Variants in SEC16B observed in about 807,000 individuals in gnomAD.
SEC16B encodes SEC16 homolog B, endoplasmic reticulum export factor, also known as protein transport protein Sec16B.
Under a neutral mutation model 141.8 loss-of-function variants are expected in SEC16B, and 115 were observed. The observed-to-expected ratio is 0.81, with a 90% CI of 0.70 to 0.95. The LOEUF is 0.95. SEC16B is among the 40% of genes least tolerant of loss of function. SEC16B has a pLI of 0.00. For missense variants in SEC16B, 1,291 were observed against 1,312.3 expected, an observed-to-expected ratio of 0.98 and a Z score of 0.25; for synonymous variants, 493 against 492.5, an observed-to-expected ratio of 1.00 and a Z score of -0.01.
intron 14 of SEC16B, chr1:177,946,152 G>A: frequency 1.7e-6 from 1 of 588,086 alleles, no homozygotes. Flanking sequence ...GCCACCCAGT[G>A]GCCAAAGGGC....
Position 177,954,346 on chromosome 1 carries a change from A to G in SEC16B, c.1396T>C (p.Leu466=). ...EALEWAMKNH[L]WGHALFLSSK... ...GACAGGAACAAAGCATGGCCCCACA[A>G]GTGGTTCTTCATGGCCCACTCCAAG... Residue 466 remains leucine (L), a synonymous_variant, in exon 11 of 26, where the codon TTG becomes CTG. Transcript: ENST00000308284. The G allele has an allele frequency of 1.9e-6, 3 of 1,575,670 alleles. No individual in the cohort carries two copies. The highest frequency in any genetic ancestry group is 2.6e-6 in the Non-Finnish European group (3 of 1,159,654).
intron 20 of SEC16B, among the ~76,000 whole-genome samples, chr1:177,935,662 G>GAA (rs60983376): frequency 7.1e-6 from 1 of 141,348 alleles, no homozygotes; most frequent in South Asian, 2.2e-4. Context: ...CTTCAGTCAG[G>GAA]AAAAAAAAAA....
chr1:177,937,254 T>C lies in SEC16B; in HGVS notation c.2463A>G (p.Gly821=), dbSNP rs2101909544. The change falls in exon 19 of 26, where the codon GGA becomes GGG. Residue 821 remains glycine, a synonymous_variant. Coordinates refer to ENST00000308284, the MANE Select transcript of SEC16B (RefSeq NM_033127.4). The part of the protein sequence containing the change: ...SSVAVTEATG[G]TVWEEMLQTH... ...TCTGCAGCATTTCCTCCCAGACTGT[T>C]CCTCCAGTGGCCTCTGTCACTGCCA... The C allele has an allele frequency of 6.2e-7, 1 of 1,613,728 alleles. No homozygotes were observed. The highest frequency in any genetic ancestry group is 1.3e-5 in the African/African-American group (1 of 74,996).
At chr1:177,979,585 A>T (rs1305629723) in intron 1 of SEC16B, among the ~76,000 whole-genome samples, 1 of 152,236 alleles carries the variant, frequency 6.6e-6, no homozygotes, top group African/African-American at 2.4e-5. Flanking sequence ...AACCAAATTC[A>T]AATTTCAGGT....
intron 22 of SEC16B, 85 bp from the exon 23 acceptor site, chr1:177,932,891 G>A (rs1038296810): frequency 6.8e-6 from 9 of 1,329,130 alleles, no homozygotes; most frequent in East Asian, 5.0e-5. Context: ...CCACACTCAC[G>A]ATGGCGGCCT....
chr1:177,960,831 G>C lies in SEC16B; in HGVS notation c.896C>G (p.Thr299Ser), dbSNP rs1230892444. The change falls in exon 7 of 26, where the codon ACT (threonine) becomes AGT (serine). Residue 299 changes from threonine (T) to serine (S), a missense_variant. Transcript: ENST00000308284. Reference protein sequence around the residue: ...QLVHVGPSSPTDGQAALVELH... With the variant: ...QLVHVGPSSPSDGQAALVELH... Reference sequence around the variant, plus strand: ...TTCAACAAGGGCTGCTTGCCCGTCAGTGGGAGAGCTGGGACCTACATGCAC... The same window carrying C: ...TTCAACAAGGGCTGCTTGCCCGTCACTGGGAGAGCTGGGACCTACATGCAC... 7.5e-6 allele frequency: 12 copies of C among 1,608,662 alleles called. No individual in the cohort carries two copies. The highest frequency in any genetic ancestry group is 9.3e-6 in the Non-Finnish European group (11 of 1,176,626).
At position 177,967,909 on chromosome 1, in the gene SEC16B, G is replaced by A. The variant is rs763978372; in HGVS notation, c.73C>T (p.Arg25Ter). The A allele has an allele frequency of 4.0e-5, 65 of 1,613,806 alleles. No homozygotes were observed. Among genetic ancestry groups the A allele is most frequent in the South Asian group, 3.4e-4 (31 of 91,076 alleles). ...KATAPSKDPDRGFRRDGHHRP... is the reference protein window; with the variant it reads ...KATAPSKDPD Reference sequence around the variant, plus strand: ...TGATGTCCATCTCTCCGAAACCCTCGGTCTGGATCCTTTGAGGGTGCTGTG... The same window carrying A: ...TGATGTCCATCTCTCCGAAACCCTCAGTCTGGATCCTTTGAGGGTGCTGTG... The change falls in exon 2 of 26, where the codon CGA (arginine) becomes TGA (stop). Residue 25 changes from arginine to a stop codon, truncating the protein, a stop_gained. Coordinates refer to ENST00000308284, the MANE Select transcript of SEC16B (RefSeq NM_033127.4). LOFTEE classifies it high-confidence loss of function.
At chr1:177,984,169 T>C (rs566830146) in intron 1 of SEC16B, 2 of 152,330 alleles carry the variant, frequency 1.3e-5, no homozygotes, top group East Asian at 3.9e-4. Flanking sequence ...TGCATTTGGT[T>C]TGGGTTAATT....
At chr1:177,979,322 G>C (rs1481390951) in intron 1 of SEC16B, among the ~76,000 whole-genome samples, 2 of 152,112 alleles carry the variant, frequency 1.3e-5, no homozygotes, top group Non-Finnish European at 2.9e-5. Context: ...TGACAAATGG[G>C]ACAAGTTCTC....
chr1:177,962,501 C>T (rs1371706076), intron 5 of SEC16B, among the ~76,000 whole-genome samples: 1 of 151,714 alleles, frequency 6.6e-6, no homozygotes, highest in African/African-American at 2.4e-5. Flanking sequence ...CTTTGGGAGG[C>T]CAAAGCAGGA....
rs1164699393 is a variant in SEC16B, at chr1:177,929,562, AGCCACCACCATAAGT to A, written c.*281_*295del. On this transcript the variant is annotated 3_prime_UTR_variant, in exon 26 of 26. Coordinates refer to ENST00000308284, the MANE Select transcript of SEC16B (RefSeq NM_033127.4). ...GGCCCTAATTTCCCCAAGGCTCTCA[AGCCACCACCATAAGT>A]GCCACCACCATGTCACTCTGCTCAT... is the stretch of plus-strand genomic sequence containing the variant. 2.6e-6 allele frequency: 1 copy of A among 381,452 alleles called. No homozygotes were observed. The highest frequency in any genetic ancestry group is 4.8e-6 in the Non-Finnish European group (1 of 206,728). 23.6% of individuals were successfully genotyped at this position (381,452 alleles called of 1,614,324 possible).
At chr1:177,973,208 G>T (rs1483698598), upstream of SEC16B, 1 of 152,196 alleles carries the variant, frequency 6.6e-6, no homozygotes, top group African/African-American at 2.4e-5. Context: ...TCTAGGTCAG[G>T]TTTGCCAGGA....
chr1:177,968,876 T>C (rs1653757522), intron 1 of SEC16B, among the ~76,000 whole-genome samples: 1 of 152,168 alleles, frequency 6.6e-6, no homozygotes, highest in African/African-American at 2.4e-5. Context: ...GGTTGGAGAT[T>C]TTAAATGCTG....
At chr1:177,963,109 A>T (rs1653212235) in intron 5 of SEC16B, among the ~76,000 whole-genome samples, 1 of 151,918 alleles carries the variant, frequency 6.6e-6, no homozygotes, top group South Asian at 2.1e-4. Flanking sequence ...CTCTGTCTCA[A>T]AAAAATAAAA....
At chr1:177,942,955 G>A (rs1651394104) in intron 15 of SEC16B, among the ~76,000 whole-genome samples, 1 of 152,106 alleles carries the variant, frequency 6.6e-6, no homozygotes, top group Non-Finnish European at 1.5e-5. Context: ...GATAATTCAG[G>A]TAAAGTACTG....
At chr1:177,960,973 G>A (rs1481063114) in intron 6 of SEC16B, 34 bp from the exon 7 acceptor site, 2 of 1,561,448 alleles carry the variant, frequency 1.3e-6, no homozygotes, top group South Asian at 2.3e-5. Context: ...GACATTGTTA[G>A]CGTTACTTCC....
rs752042878 is a variant in SEC16B, at chr1:177,932,615, G to A, written c.2933-46C>T. The A allele has an allele frequency of 2.7e-6, 4 of 1,503,928 alleles. No individual in the cohort carries two copies. In the South Asian group the frequency reaches 4.0e-5, roughly 15 times the overall value. The allele number at this position is 1,503,928 out of a possible 1,614,324, so 93.2% of individuals were successfully genotyped here. On this transcript the variant is annotated intron_variant, in intron 23 of 25. Coordinates refer to ENST00000308284, the MANE Select transcript of SEC16B (RefSeq NM_033127.4). ...GCTGTTTCCTCTGCTCAGGACTGGGGGTCCCCACTCCCAGAAGGCACCCCA... is the reference window on the plus strand; with the variant it reads ...GCTGTTTCCTCTGCTCAGGACTGGGAGTCCCCACTCCCAGAAGGCACCCCA...
chr1:177,981,871 T>C (rs906445452), intron 1 of SEC16B, among the ~76,000 whole-genome samples: 3 of 152,218 alleles, frequency 2.0e-5, no homozygotes, highest in Admixed American at 6.5e-5. Flanking sequence ...TTGTTTATAC[T>C]TTGCTTCTTT....
At position 177,946,019 on chromosome 1, in the gene SEC16B, T is replaced by G. The variant is rs1571321241; in HGVS notation, c.1775+401A>C. ...GGGACTAAACATAAACTTCTTCCAT[T>G]TTCCAGTTTTGCCTGGGTAGGCTCT... On this transcript the variant is annotated intron_variant, in intron 14 of 25. Coordinates refer to ENST00000308284, the MANE Select transcript of SEC16B (RefSeq NM_033127.4). 1.3e-5 allele frequency: 5 copies of G among 382,020 alleles called. No individual in the cohort carries two copies. In the East Asian group the frequency reaches 2.2e-4, roughly 17 times the overall value. The allele number at this position is 382,020 out of a possible 1,614,324, so 23.7% of individuals were successfully genotyped here. A position where few individuals can be genotyped will look rare whatever the true frequency, so the allele number is the denominator to read the frequency against.
Sources: allele counts gnomAD v4.1 joint callset (sites outside exome capture counted in the v4.1 genomes callset), GRCh38; gene constraint gnomAD v4.1.1; transcripts MANE v1.5; gene names NCBI Gene and HGNC (gene_info 2026-07-23, HGNC 2026-07-21).